The following LRIG3 variants were observed in gnomAD, a reference collection of about 807,000 sequenced individuals.
LRIG3 encodes leucine-rich repeats and immunoglobulin-like domains protein 3.
In LRIG3, 76 loss-of-function variants were observed where a neutral mutation model predicts 114.5. The ratio of observed to expected loss-of-function variants is 0.66; its 90% CI spans 0.55 to 0.80. LRIG3 has a LOEUF of 0.80. LRIG3 is among the 30% of genes least tolerant of loss of function. The probability of loss-of-function intolerance (pLI) is 0.00; values close to 1 mark genes in which losing one functional copy is unlikely to be tolerated. For synonymous variants in LRIG3, 512 were observed against 519.8 expected (o/e 0.98, Z 0.20); for missense variants, 1,239 against 1,382.8 (o/e 0.90, Z 1.65).
intron 14 of LRIG3, among the ~76,000 whole-genome samples, chr12:58,878,512 T>TA (rs754806643): frequency 5.9e-5 from 9 of 152,136 alleles, no homozygotes; most frequent in Non-Finnish European, 1.2e-4. Flanking sequence ...AGACTACTGA[T>TA]ATAGACAGCA....
chr12:58,881,453 GAA>G (rs1336220958), intron 12 of LRIG3, among the ~76,000 whole-genome samples: 2 of 134,326 alleles, frequency 1.5e-5, no homozygotes, highest in Non-Finnish European at 3.2e-5. Flanking sequence ...GATAGCAAAA[GAA>G]AAAGCATCTG....
rs557643633 is a variant in LRIG3, at chr12:58,919,554, G to T, written c.236+446C>A. Reference sequence around the variant, plus strand: ...AAGCCTGACTTCAGTTACTGGGTGGGAACAGGAAAAGGAGTCTGACGCAGC... The same window carrying T: ...AAGCCTGACTTCAGTTACTGGGTGGTAACAGGAAAAGGAGTCTGACGCAGC... On this transcript the variant is annotated intron_variant, in intron 1 of 18. Coordinates refer to ENST00000320743, the MANE Select transcript of LRIG3 (RefSeq NM_153377.5). The T allele has an allele frequency of 5.8e-6, 9 of 1,548,776 alleles. No homozygotes were observed. The South Asian group carries it at 6.0e-5, about 10-fold the overall frequency.
chr12:58,887,589 C>T lies in LRIG3; in HGVS notation c.1091+200G>A, dbSNP rs1871316388. 2.6e-5 allele frequency among the ~76,000 whole-genome samples: 4 copies of T among 152,158 alleles called. No homozygotes were observed. In the South Asian group the frequency reaches 8.3e-4, roughly 32 times the overall value. Reference sequence around the variant, plus strand: ...ACTGTAATCACCAAAACAAACTGATCACTGTCCTTTTTAATCCCTATACGA... The same window carrying T: ...ACTGTAATCACCAAAACAAACTGATTACTGTCCTTTTTAATCCCTATACGA... On this transcript the variant is annotated intron_variant, in intron 8 of 18. Transcript: ENST00000320743.
At position 58,894,544 on chromosome 12, in the gene LRIG3, A is replaced by C. The variant is rs112215548; in HGVS notation, c.384-3748T>G. Among the ~76,000 whole-genome samples, 98 of 152,260 alleles carry C rather than the reference A, an allele frequency of 6.4e-4. 1 individual carries two copies. Among genetic ancestry groups the C allele is most frequent in the African/African-American group, 2.1e-3 (87 of 41,556 alleles). On this transcript the variant is annotated intron_variant, in intron 3 of 18. Coordinates refer to ENST00000320743, the MANE Select transcript of LRIG3 (RefSeq NM_153377.5). ...ATCATCTAGAATCCTAAAAAAAAAAACATATTTTATGGAGTTGGTCAAAAA... is the reference window on the plus strand; with the variant it reads ...ATCATCTAGAATCCTAAAAAAAAAACCATATTTTATGGAGTTGGTCAAAAA...
Position 58,888,535 on chromosome 12 carries a change from G to A in LRIG3, c.804-63C>T, listed in dbSNP as rs899958840. On this transcript the variant is annotated intron_variant, in intron 6 of 18. Transcript: ENST00000320743. ...TTCATTATCTAGTCTCTTCAAAGGGGACATATGATTACAACCTATTACAGA... is the reference window on the plus strand; with the variant it reads ...TTCATTATCTAGTCTCTTCAAAGGGAACATATGATTACAACCTATTACAGA... 4 of 1,581,894 alleles carry A rather than the reference G, an allele frequency of 2.5e-6. No homozygotes were observed. In the South Asian group the frequency reaches 3.4e-5, roughly 13 times the overall value.
intron 1 of LRIG3, among the ~76,000 whole-genome samples, chr12:58,917,221 G>A (rs898493689): frequency 1.3e-5 from 2 of 151,950 alleles, no homozygotes; most frequent in Admixed American, 1.3e-4. Flanking sequence ...TGGGACTTTC[G>A]CCTGGGTCCT....
chr12:58,901,474 T>C (rs1171595483), intron 3 of LRIG3, among the ~76,000 whole-genome samples: 1 of 152,164 alleles, frequency 6.6e-6, no homozygotes. Context: ...TGAGTGGCTA[T>C]TTAAATTTAC....
Position 58,920,210 on chromosome 12 carries a change from C to T in LRIG3, c.26G>A (p.Arg9His). The T allele has an allele frequency of 4.3e-6, 6 of 1,402,658 alleles. No homozygotes were observed. Among genetic ancestry groups the T allele is most frequent in the Non-Finnish European group, 5.5e-6 (6 of 1,089,008 alleles). 86.9% of individuals were successfully genotyped at this position (1,402,658 alleles called of 1,614,324 possible). A position where few individuals can be genotyped will look rare whatever the true frequency, so the allele number is the denominator to read the frequency against. The change falls in exon 1 of 19, where the codon CGC becomes CAC. Residue 9 changes from arginine to histidine, a missense_variant. By Grantham distance (29) the Arg-to-His change is conservative (BLOSUM62 0). Transcript: ENST00000320743. Reference protein sequence around the residue: MSAPSLRARAAGLGLLLCA... With the variant: MSAPSLRAHAAGLGLLLCA... The stretch of plus-strand genomic sequence containing the variant: ...CAGCAGCAGCCCCAACCCCGCGGCG[C>T]GCGCACGGAGGCTCGGCGCGCTCAT...
chr12:58,873,775 TC>T, intron 18 of LRIG3: 1 of 473,008 alleles, frequency 2.1e-6, no homozygotes, highest in South Asian at 2.7e-5. Context: ...CAAGCTGAGC[TC>T]CTAAGTCCTC....
Position 58,877,869 on chromosome 12 carries a change from T to C in LRIG3, c.2084-17A>G, listed in dbSNP as rs761549844. On this transcript the variant is annotated splice_polypyrimidine_tract_variant and intron_variant, in intron 14 of 18. Coordinates refer to ENST00000320743, the MANE Select transcript of LRIG3 (RefSeq NM_153377.5). The stretch of plus-strand genomic sequence containing the variant: ...ATGGTGTTTCTGAAATAACAAGTTA[T>C]GCTTTTAATTTCCCAAATAAAATTT... 6 of 1,580,378 alleles carry C rather than the reference T, an allele frequency of 3.8e-6. No homozygotes were observed. The highest frequency in any genetic ancestry group is 5.2e-6 in the Non-Finnish European group (6 of 1,159,442).
At chr12:58,905,194 G>C (rs546316851) in intron 3 of LRIG3, among the ~76,000 whole-genome samples, 2 of 152,304 alleles carry the variant, frequency 1.3e-5, no homozygotes, top group South Asian at 4.1e-4. Context: ...GGGAACTGTT[G>C]AAGGGTTTAA....
intron 11 of LRIG3, 132 bp from the exon 12 acceptor site, chr12:58,883,164 C>G: frequency 1.2e-6 from 1 of 817,658 alleles, no homozygotes; most frequent in Non-Finnish European, 1.8e-6. Context: ...AATAAGTATC[C>G]CACAGTCCAT....
At position 58,901,020 on chromosome 12, in the gene LRIG3, G is replaced by T. The variant is rs1382521343; in HGVS notation, c.384-10224C>A. On this transcript the variant is annotated intron_variant, in intron 3 of 18. Coordinates refer to ENST00000320743, the MANE Select transcript of LRIG3 (RefSeq NM_153377.5). ...GAGACGTGAATGACCAAGTGCAAAT[G>T]CCACAAAACTAAAAGTGTAATTCAC... Among the ~76,000 whole-genome samples, 4 of 152,136 alleles carry T rather than the reference G, an allele frequency of 2.6e-5. No homozygotes were observed. In the East Asian group the frequency reaches 7.7e-4, roughly 29 times the overall value.
chr12:58,905,794 T>G (rs1872043151), intron 3 of LRIG3, among the ~76,000 whole-genome samples: 1 of 152,190 alleles, frequency 6.6e-6, no homozygotes, highest in Non-Finnish European at 1.5e-5. Context: ...GGCTTAGGGA[T>G]TCTGCAGAGT....
intron 3 of LRIG3, among the ~76,000 whole-genome samples, chr12:58,902,075 T>C (rs1021721284): frequency 1.3e-5 from 2 of 152,162 alleles, no homozygotes; most frequent in African/African-American, 4.8e-5. Context: ...ACATGGCAAC[T>C]GTACTGAGGA....
chr12:58,884,479 A>G (rs1229722439), intron 10 of LRIG3, among the ~76,000 whole-genome samples: 1 of 152,252 alleles, frequency 6.6e-6, no homozygotes, highest in African/African-American at 2.4e-5. Flanking sequence ...ACTGAAGCAG[A>G]GATTAATACT....
intron 3 of LRIG3, among the ~76,000 whole-genome samples, chr12:58,898,664 GTTT>G (rs527352085): frequency 6.7e-6 from 1 of 149,062 alleles, no homozygotes; most frequent in Non-Finnish European, 1.5e-5. Context: ...TTTCTCCCTT[GTTT>G]TTTTTTTCTT....
At chr12:58,880,550 TA>T (rs1871091736) in intron 13 of LRIG3, 30 bp downstream of exon 13, 51 of 1,597,320 alleles carry the variant, frequency 3.2e-5, no homozygotes, top group Non-Finnish European at 4.4e-5. Context: ...AAGGTATCTT[TA>T]AATGCTAAAG....
intron 3 of LRIG3, among the ~76,000 whole-genome samples, chr12:58,904,704 A>T (rs1270194597): frequency 1.3e-5 from 2 of 152,206 alleles, no homozygotes; most frequent in Admixed American, 6.5e-5. Flanking sequence ...GGAACAGAAA[A>T]GTTACCCATA....
Sources: gnomAD v4.1 joint callset for allele counts (sites outside exome capture counted in the v4.1 genomes callset) on GRCh38, gnomAD v4.1.1 for gene constraint, MANE v1.5 for transcripts, NCBI Gene and HGNC (gene_info 2026-07-23, HGNC 2026-07-21) for gene names.